The following NRXN3 variants were observed in gnomAD, a reference collection of about 807,000 sequenced individuals.
NRXN3 encodes the protein neurexin 3, also known as neurexin III.
Under a neutral mutation model 137.6 loss-of-function variants are expected in NRXN3, and 32 were observed. The observed-to-expected ratio is 0.23, with a 90% confidence interval of 0.18 to 0.31. The LOEUF (loss-of-function observed/expected upper bound fraction) is 0.31. NRXN3 is among the 10% of genes least tolerant of loss of function. The pLI is 1.00. For synonymous variants in NRXN3, 798 were observed against 784.5 expected (o/e 1.02, Z -0.29); for missense variants, 1,574 against 2,062.5 (o/e 0.76, Z 4.59).
intron 15 of NRXN3, among the ~76,000 whole-genome samples, chr14:79,096,682 C>T (rs2050408941): frequency 6.6e-6 from 1 of 152,102 alleles, no homozygotes; most frequent in Admixed American, 6.5e-5. Flanking sequence ...GACCCAATCG[C>T]CAGAGCTCTG....
intron 10 of NRXN3, among the ~76,000 whole-genome samples, chr14:78,933,454 TA>T (rs1303176561): frequency 6.6e-6 from 1 of 152,252 alleles, no homozygotes; most frequent in African/African-American, 2.4e-5. Context: ...ATTTGACAGA[TA>T]TTTTTCTGGC....
chr14:78,605,574 C>T (rs2097243449), intron 4 of NRXN3, among the ~76,000 whole-genome samples: 1 of 152,054 alleles, frequency 6.6e-6, no homozygotes. Flanking sequence ...GGGCAAGGAA[C>T]TTTATTACAC....
At chr14:78,840,203 C>T (rs943787403) in intron 10 of NRXN3, among the ~76,000 whole-genome samples, 1 of 152,130 alleles carries the variant, frequency 6.6e-6, no homozygotes, top group African/African-American at 2.4e-5. Flanking sequence ...ATGATCATCA[C>T]TGTCATTGCC....
At position 79,456,712 on chromosome 14, in the gene NRXN3, C is replaced by T. The variant is rs1347439829; in HGVS notation, c.3263-10509C>T. On this transcript the variant is annotated intron_variant, in intron 15 of 20. Transcript: ENST00000335750. Reference sequence around the variant, plus strand: ...CTACACTCCAGCCTGGGTGACAGAGCGAGACTCTGTCAAAAGAAAAGAAAG... The same window carrying T: ...CTACACTCCAGCCTGGGTGACAGAGTGAGACTCTGTCAAAAGAAAAGAAAG... Among the ~76,000 whole-genome samples the T allele has an allele frequency of 6.6e-5, 10 of 150,890 alleles. No individual in the cohort carries two copies. In the East Asian group the frequency reaches 1.4e-3, roughly 21 times the overall value.
intron 1 of NRXN3, among the ~76,000 whole-genome samples, chr14:78,228,035 T>G (rs1309555275): frequency 6.6e-6 from 1 of 152,178 alleles, no homozygotes. Flanking sequence ...AGGGCTGGGC[T>G]CAGTGATGTT....
At chr14:78,321,894 G>C (rs2079416251) in intron 4 of NRXN3, among the ~76,000 whole-genome samples, 1 of 151,978 alleles carries the variant, frequency 6.6e-6, no homozygotes, top group Non-Finnish European at 1.5e-5. Context: ...TTGATAACCA[G>C]CAATTACCTT....
At chr14:78,995,507 A>G (rs2099528170) in intron 15 of NRXN3, among the ~76,000 whole-genome samples, 1 of 152,190 alleles carries the variant, frequency 6.6e-6, no homozygotes, top group Non-Finnish European at 1.5e-5. Flanking sequence ...CAGTGCTTCT[A>G]AAGTGCAGAT....
intron 4 of NRXN3, among the ~76,000 whole-genome samples, chr14:78,561,881 T>G (rs2096789420): frequency 6.6e-6 from 1 of 152,204 alleles, no homozygotes; most frequent in Admixed American, 6.5e-5. Flanking sequence ...CATGTGGGTT[T>G]CTCTACTCCA....
intron 15 of NRXN3, among the ~76,000 whole-genome samples, chr14:79,153,238 G>A (rs1249364481): frequency 1.3e-5 from 2 of 151,886 alleles, no homozygotes; most frequent in African/African-American, 4.8e-5. Flanking sequence ...GTTAAACACA[G>A]CTATTTTCAA....
chr14:79,668,197 A>T (rs1197777205), intron 17 of NRXN3, among the ~76,000 whole-genome samples: 1 of 152,118 alleles, frequency 6.6e-6, no homozygotes, highest in Non-Finnish European at 1.5e-5. Flanking sequence ...CCTTTCAAGG[A>T]TGCTACATTA....
chr14:78,406,737 A>C (rs996533172), intron 4 of NRXN3, among the ~76,000 whole-genome samples: 3 of 152,130 alleles, frequency 2.0e-5, no homozygotes, highest in Admixed American at 2.0e-4. Context: ...GTGCCCACTG[A>C]TCCCAAAACT....
At chr14:79,526,116 C>T (rs1406579974) in intron 16 of NRXN3, among the ~76,000 whole-genome samples, 3 of 152,080 alleles carry the variant, frequency 2.0e-5, no homozygotes, top group Non-Finnish European at 4.4e-5. Context: ...GGCGTGATCT[C>T]GGCTCACTGC....
At chr14:79,221,595 G>C (rs986129171) in intron 15 of NRXN3, among the ~76,000 whole-genome samples, 1 of 151,946 alleles carries the variant, frequency 6.6e-6, no homozygotes, top group Admixed American at 6.6e-5. Context: ...TTTGTGATGG[G>C]GTTGTTTGTT....
intron 5 of NRXN3, among the ~76,000 whole-genome samples, chr14:78,650,166 T>C (rs567662200): frequency 3.9e-5 from 6 of 152,196 alleles, no homozygotes; most frequent in Non-Finnish European, 7.3e-5. Flanking sequence ...AATGCTTTTT[T>C]TTCACTTCCA....
intron 19 of NRXN3, among the ~76,000 whole-genome samples, chr14:79,769,024 C>T (rs374430830): frequency 6.6e-6 from 1 of 151,448 alleles, no homozygotes; most frequent in East Asian, 1.9e-4. Flanking sequence ...AGGGTATCAG[C>T]AATGGAAGAT....
At chr14:79,563,089 G>GA (rs2097515536) in intron 16 of NRXN3, among the ~76,000 whole-genome samples, 1 of 152,136 alleles carries the variant, frequency 6.6e-6, no homozygotes, top group African/African-American at 2.4e-5. Context: ...CAGTCTCTCT[G>GA]AAAAAGCCAA....
intron 15 of NRXN3, among the ~76,000 whole-genome samples, chr14:79,124,852 A>AT (rs1242890090): frequency 1.3e-5 from 2 of 152,058 alleles, no homozygotes; most frequent in East Asian, 1.9e-4. Context: ...GATTCTCTAA[A>AT]TTTTTTGCTG....
intron 4 of NRXN3, among the ~76,000 whole-genome samples, chr14:78,330,710 G>C (rs1350490926): frequency 6.6e-6 from 1 of 152,074 alleles, no homozygotes; most frequent in African/African-American, 2.4e-5. Flanking sequence ...TTGTAGGAAG[G>C]TTCTAAGATT....
intron 10 of NRXN3, among the ~76,000 whole-genome samples, chr14:78,929,294 T>C (rs979597373): frequency 1.3e-5 from 2 of 152,138 alleles, no homozygotes; most frequent in African/African-American, 4.8e-5. Flanking sequence ...TACAGATTAT[T>C]TCATCACCCA....
Sources: allele counts gnomAD v4.1 joint callset (sites outside exome capture counted in the v4.1 genomes callset), GRCh38; gene constraint gnomAD v4.1.1; transcripts MANE v1.5; gene names NCBI Gene and HGNC (gene_info 2026-07-23, HGNC 2026-07-21).